The following RAB11FIP1 variants were observed in gnomAD, a reference collection of about 807,000 sequenced individuals.
The protein encoded by RAB11FIP1 is RAB11 family interacting protein 1.
RAB11FIP1 carries 49 observed loss-of-function variants against 83.1 expected under a neutral mutation model. The observed-to-expected ratio is 0.59, with a 90% CI of 0.47 to 0.75. The LOEUF is 0.75. Among genes scored for constraint, RAB11FIP1 ranks in the 30% least tolerant of loss-of-function variants. The pLI is 0.00. For missense variants in RAB11FIP1, 1,536 were observed against 1,598.7 expected, an observed-to-expected ratio of 0.96 and a Z score of 0.67; for synonymous variants, 670 against 656.0, an observed-to-expected ratio of 1.02 and a Z score of -0.33.
At position 37,893,987 on chromosome 8, in the gene RAB11FIP1, C is replaced by T. The variant is rs188942998; in HGVS notation, c.371+5084G>A. Among the ~76,000 whole-genome samples the T allele has an allele frequency of 3.3e-5, 5 of 152,204 alleles. No homozygotes were observed. The East Asian group carries it at 9.6e-4, about 29-fold the overall frequency. On this transcript the variant is annotated intron_variant, in intron 1 of 5. Coordinates refer to ENST00000330843, the MANE Select transcript of RAB11FIP1 (RefSeq NM_001002814.3). ...AGTCATTTCATTCCTCTGTTATAAG[C>T]AGTTTAGGGTTGTTTATTCTAGAAC...
chr8:37,887,654 G>A (rs1254698902), intron 1 of RAB11FIP1, among the ~76,000 whole-genome samples: 1 of 151,924 alleles, frequency 6.6e-6, no homozygotes, highest in Non-Finnish European at 1.5e-5. Flanking sequence ...AGAAACCTTA[G>A]GCAAGATATT....
chr8:37,896,309 C>CAA (rs200493654), intron 1 of RAB11FIP1, among the ~76,000 whole-genome samples: 3 of 138,410 alleles, frequency 2.2e-5, no homozygotes, highest in African/African-American at 7.9e-5. Flanking sequence ...GACGCCATCT[C>CAA]AAAAAAAAAA....
At position 37,862,979 on chromosome 8, in the gene RAB11FIP1, G is replaced by C; in HGVS notation, c.3768C>G (p.Asp1256Glu). 1 of 1,614,022 alleles carries C rather than the reference G, an allele frequency of 6.2e-7. No homozygotes were observed. Among genetic ancestry groups the C allele is most frequent in the Non-Finnish European group, 8.5e-7 (1 of 1,180,028 alleles). Residue 1256 changes from aspartate (D) to glutamate (E), a missense_variant, in exon 6 of 6, where the codon GAC becomes GAG. By Grantham distance (45) the Asp-to-Glu change is conservative (BLOSUM62 2). Coordinates refer to ENST00000330843, the MANE Select transcript of RAB11FIP1 (RefSeq NM_001002814.3). Reference sequence around the variant, plus strand: ...CTTCCATGACCCTGACAAGCAGGTTGTCAATGTAGTCTTCCAGCTCGCGGA... The same window carrying C: ...CTTCCATGACCCTGACAAGCAGGTTCTCAATGTAGTCTTCCAGCTCGCGGA... The part of the protein sequence containing the change: ...FQVRELEDYI[D>E]NLLVRVMEET...
rs1160135182 is a variant in RAB11FIP1, at chr8:37,874,945, A to G, written c.1192T>C (p.Tyr398His). The G allele has an allele frequency of 6.2e-7, 1 of 1,614,058 alleles. No individual in the cohort carries two copies. The highest frequency in any genetic ancestry group is 8.5e-7 in the Non-Finnish European group (1 of 1,180,040). The part of the protein sequence containing the change: ...DSLKSMTLPS[Y>H]RPAPLVSGDL... ...CCACTGACCAGTGGGGCAGGTCGGT[A>G]GGACGGCAGGGTCATAGACTTCAAG... is the stretch of plus-strand genomic sequence containing the variant. The change falls in exon 3 of 6, where the codon TAC becomes CAC. Residue 398 changes from tyrosine to histidine, a missense_variant. Tyr to His is a moderately conservative substitution (Grantham distance 83). Coordinates refer to ENST00000330843, the MANE Select transcript of RAB11FIP1 (RefSeq NM_001002814.3).
At chr8:37,877,072 AAGAAG>A (rs1299654927) in intron 2 of RAB11FIP1, 32 bp downstream of exon 2, 1 of 1,449,246 alleles carries the variant, frequency 6.9e-7, no homozygotes, top group Admixed American at 1.8e-5. Flanking sequence ...TGGTAAGAGG[AAGAAG>A]AGAGGTCAAG....
At position 37,858,957 on chromosome 8, in the gene RAB11FIP1, G is replaced by GTAAGTACCATTTTAT. The variant is rs1806180441; in HGVS notation, c.*3923_*3937dup. On this transcript the variant is annotated 3_prime_UTR_variant, in exon 6 of 6. Coordinates refer to ENST00000330843, the MANE Select transcript of RAB11FIP1 (RefSeq NM_001002814.3). ...AACTACAGACACAAATCTTTGAAAG[G>GTAAGTACCATTTTAT]TAAGTACCATTTTATTTAGTGTTGT... is the stretch of plus-strand genomic sequence containing the variant. 6.6e-6 allele frequency: 1 copy of GTAAGTACCATTTTAT among 152,062 alleles called. No individual in the cohort carries two copies. The highest frequency in any genetic ancestry group is 1.5e-5 in the Non-Finnish European group (1 of 68,032). The allele number at this position is 152,062 out of a possible 1,614,324, so 9.4% of individuals were successfully genotyped here. A position where few individuals can be genotyped will look rare whatever the true frequency, so the allele number is the denominator to read the frequency against.
Position 37,874,711 on chromosome 8 carries a change from C to T in RAB11FIP1, c.1426G>A (p.Ala476Thr), listed in dbSNP as rs1172439276. 21 of 1,614,154 alleles carry T rather than the reference C, an allele frequency of 1.3e-5. No homozygotes were observed. Among genetic ancestry groups the T allele is most frequent in the East Asian group, 2.2e-5 (1 of 44,884 alleles). ...ACAAGGTCTTCAGCAGGCCCCGATG[C>T]GTCCTCCCCCGGCTTAACCCCCATC... ...MLMGVKPGED[A>T]SGPAEDLVRR... The change falls in exon 3 of 6, where the codon GCA becomes ACA. Residue 476 changes from alanine to threonine, a missense_variant. Coordinates refer to ENST00000330843, the MANE Select transcript of RAB11FIP1 (RefSeq NM_001002814.3).
intron 1 of RAB11FIP1, among the ~76,000 whole-genome samples, chr8:37,884,604 A>G (rs1329772061): frequency 6.6e-6 from 1 of 152,202 alleles, no homozygotes; most frequent in Non-Finnish European, 1.5e-5. Flanking sequence ...GCTGGAGTAC[A>G]GTGGCATGAT....
intron 5 of RAB11FIP1, among the ~76,000 whole-genome samples, chr8:37,867,912 C>T (rs1239999752): frequency 6.6e-6 from 1 of 152,138 alleles, no homozygotes; most frequent in African/African-American, 2.4e-5. Context: ...TACTGGTAGA[C>T]ATGCAGTGAA....
rs763298647 is a variant in RAB11FIP1, at chr8:37,874,556, A to G, written c.1581T>C (p.Ile527=). The change falls in exon 3 of 6, where the codon ATT becomes ATC. Residue 527 remains isoleucine (I), a synonymous_variant. Transcript: ENST00000330843. ...PESKSEPRPP[I]SSPRAPQTRA... ...TGGTCTGGGGAGCCCTCGGAGAGGAAATTGGAGGTCTCGGTTCAGACTTGG... is the reference window on the plus strand; with the variant it reads ...TGGTCTGGGGAGCCCTCGGAGAGGAGATTGGAGGTCTCGGTTCAGACTTGG... 6 of 1,614,230 alleles carry G rather than the reference A, an allele frequency of 3.7e-6. No individual in the cohort carries two copies. The highest frequency in any genetic ancestry group is 5.1e-6 in the Non-Finnish European group (6 of 1,180,040).
At position 37,861,503 on chromosome 8, in the gene RAB11FIP1, C is replaced by A. The variant is rs1806231306; in HGVS notation, c.*1392G>T. 2.3e-6 allele frequency: 1 copy of A among 426,462 alleles called. No homozygotes were observed. The highest frequency in any genetic ancestry group is 2.1e-5 in the African/African-American group (1 of 47,666). The allele number at this position is 426,462 out of a possible 1,614,324, so 26.4% of individuals were successfully genotyped here. On this transcript the variant is annotated 3_prime_UTR_variant, in exon 6 of 6. Transcript: ENST00000330843. ...AGATGCAGTTCAATCCCTTTGGGGT[C>A]CAATCCATGGTCTCCTGTCCCCTGT...
At chr8:37,891,417 C>T (rs901204547) in intron 1 of RAB11FIP1, among the ~76,000 whole-genome samples, 2 of 152,116 alleles carry the variant, frequency 1.3e-5, no homozygotes, top group African/African-American at 2.4e-5. Context: ...CAATGAAAAC[C>T]ATAGTATCTT....
chr8:37,863,238 C>A (rs146505692), intron 5 of RAB11FIP1, 125 bp from the exon 6 acceptor site: 3 of 54,042 alleles, frequency 5.6e-5, no homozygotes, highest in South Asian at 4.4e-4. Context: ...AATCCATTTT[C>A]TTTCTTTCTT....
Position 37,875,121 on chromosome 8 carries a change from C to T in RAB11FIP1, c.1016G>A (p.Ser339Asn). Residue 339 changes from serine to asparagine, a missense_variant, in exon 3 of 6, where the codon AGC becomes AAC. Coordinates refer to ENST00000330843, the MANE Select transcript of RAB11FIP1 (RefSeq NM_001002814.3). The stretch of plus-strand genomic sequence containing the variant: ...CTTGGGGGATGGGGAGGAGGACGGG[C>T]TGCTATCCTTGATCTCACCCTTGGC... ...PEAKGEIKDS[S>N]PSSSPSPKGF... The T allele has an allele frequency of 6.2e-7, 1 of 1,614,116 alleles. No homozygotes were observed. The highest frequency in any genetic ancestry group is 2.2e-5 in the East Asian group (1 of 44,876).
rs984309148 is a variant in RAB11FIP1 at position 37,861,520 on chromosome 8, G to C, written c.*1375C>G. On this transcript the variant is annotated 3_prime_UTR_variant, in exon 6 of 6. Transcript: ENST00000330843. ...TTTGGGGTCCAATCCATGGTCTCCT[G>C]TCCCCTGTAGAGTGAAGGGGCTTCT... 2.3e-6 allele frequency: 1 copy of C among 437,768 alleles called. No homozygotes were observed. The highest frequency in any genetic ancestry group is 4.5e-6 in the Non-Finnish European group (1 of 222,486). 27.1% of individuals were successfully genotyped at this position (437,768 alleles called of 1,614,324 possible).
At chr8:37,880,767 CAAAAAAA>C (rs36034479) in intron 1 of RAB11FIP1, among the ~76,000 whole-genome samples, 11 of 84,778 alleles carry the variant, frequency 1.3e-4, no homozygotes, top group Non-Finnish European at 2.1e-4. Flanking sequence ...CTATCCCTTT[CAAAAAAA>C]AAAAAAAAAA....
chr8:37,859,702 C>T lies in RAB11FIP1; in HGVS notation c.*3193G>A, dbSNP rs1262942263. On this transcript the variant is annotated 3_prime_UTR_variant, in exon 6 of 6. Coordinates refer to ENST00000330843, the MANE Select transcript of RAB11FIP1 (RefSeq NM_001002814.3). ...ATAGAATTTGATGCTTCCCTCAAGT[C>T]CTGACTGCTCTTTCTGAGGCAGCCA... is the stretch of plus-strand genomic sequence containing the variant. 3.3e-5 allele frequency: 5 copies of T among 152,274 alleles called. No individual in the cohort carries two copies. Among genetic ancestry groups the T allele is most frequent in the Non-Finnish European group, 7.3e-5 (5 of 68,062 alleles). 9.4% of individuals were successfully genotyped at this position (152,274 alleles called of 1,614,324 possible).
At chr8:37,898,818 T>C (rs1454365257) in intron 1 of RAB11FIP1, among the ~76,000 whole-genome samples, 1 of 138,294 alleles carries the variant, frequency 7.2e-6, no homozygotes, top group Admixed American at 7.2e-5. Context: ...AGAGACTCTG[T>C]CTAAAAAAAA....
chr8:37,899,075 T>C lies in RAB11FIP1; in HGVS notation c.367A>G (p.Thr123Ala). Residue 123 changes from threonine to alanine, a missense_variant, in exon 1 of 6, where the codon ACG (threonine) becomes GCG (alanine). By Grantham distance (58) the Thr-to-Ala change is moderately conservative. Coordinates refer to ENST00000330843, the MANE Select transcript of RAB11FIP1 (RefSeq NM_001002814.3). This position sits in a 1 kb window ranked among gnomAD's most constrained non-coding sequence, Gnocchi z 4.5. ...DLHRDQGRRK[T>A]QWYKLKSKPG... is the part of the protein sequence containing the mutation. ...CCCCTCCCCGCCCGCACTCACTGCGTCTTCCTGCGGCCCTGGTCGCGGTGC... is the reference window on the plus strand; with the variant it reads ...CCCCTCCCCGCCCGCACTCACTGCGCCTTCCTGCGGCCCTGGTCGCGGTGC... 1 of 1,500,424 alleles carries C rather than the reference T, an allele frequency of 6.7e-7. No homozygotes were observed. The highest frequency in any genetic ancestry group is 8.8e-7 in the Non-Finnish European group (1 of 1,134,092). 92.9% of individuals were successfully genotyped at this position (1,500,424 alleles called of 1,614,324 possible).
Sources: allele counts gnomAD v4.1 joint callset (sites outside exome capture counted in the v4.1 genomes callset), GRCh38; gene constraint gnomAD v4.1.1; non-coding constraint Gnocchi (gnomAD v3.1); transcripts MANE v1.5; gene names NCBI Gene and HGNC (gene_info 2026-07-23, HGNC 2026-07-21).